The following SMAD9 variants were observed in gnomAD, a reference collection of about 807,000 sequenced individuals.
SMAD9 encodes MAD homolog 9.
A neutral mutation model predicts 46.1 loss-of-function variants in SMAD9; 36 were observed. The observed-to-expected ratio is 0.78, with a 90% CI of 0.60 to 1.03. The LOEUF (loss-of-function observed/expected upper bound fraction) is 1.03. Ranked by LOEUF, SMAD9 falls within the 50% of genes least tolerant of loss-of-function variation. The pLI is 0.00. For missense variants in SMAD9, 572 were observed against 599.8 expected (o/e 0.95, Z 0.48); for synonymous variants, 245 against 237.1 (o/e 1.03, Z -0.31).
intron 2 of SMAD9, among the ~76,000 whole-genome samples, chr13:36,876,206 A>T (rs1381008742): frequency 6.6e-6 from 1 of 152,170 alleles, no homozygotes; most frequent in African/African-American, 2.4e-5. Context: ...AAGGAGTTAC[A>T]GGGCACATGG....
intron 5 of SMAD9, among the ~76,000 whole-genome samples, chr13:36,862,604 C>G (rs938772972): frequency 6.6e-6 from 1 of 152,204 alleles, no homozygotes; most frequent in Admixed American, 6.5e-5. Flanking sequence ...AGCATATAAT[C>G]AAGAAATAAC....
chr13:36,893,351 A>C (rs1431972780), intron 1 of SMAD9, among the ~76,000 whole-genome samples: 1 of 150,620 alleles, frequency 6.6e-6, no homozygotes, highest in Non-Finnish European at 1.5e-5. Context: ...AGTTTTTTTA[A>C]AAAAATTGAA....
At chr13:36,865,064 A>G (rs2058218853) in intron 5 of SMAD9, among the ~76,000 whole-genome samples, 1 of 152,210 alleles carries the variant, frequency 6.6e-6, no homozygotes, top group Non-Finnish European at 1.5e-5. Flanking sequence ...GAGAGCCCCA[A>G]TCACATGCCA....
intron 5 of SMAD9, among the ~76,000 whole-genome samples, chr13:36,857,210 C>T (rs1230324243): frequency 2.5e-5 from 3 of 119,956 alleles, no homozygotes; most frequent in African/African-American, 1.0e-4. Flanking sequence ...AGACATCACA[C>T]CTGTTAGTTG....
Position 36,848,542 on chromosome 13 carries a change from A to T in SMAD9, c.*134T>A, listed in dbSNP as rs548831659. The T allele has an allele frequency of 1.2e-4, 110 of 883,926 alleles. No homozygotes were observed. In the South Asian group the frequency reaches 1.3e-3, roughly 10 times the overall value. 54.8% of individuals were successfully genotyped at this position (883,926 alleles called of 1,614,324 possible). The stretch of plus-strand genomic sequence containing the variant: ...AGAAAGCACAAAACAAACGGTGATT[A>T]AAAAAAATAAGAACAGTATACATTC... On this transcript the variant is annotated 3_prime_UTR_variant, in exon 7 of 7. Transcript: ENST00000379826.
intron 1 of SMAD9, among the ~76,000 whole-genome samples, chr13:36,884,585 T>G (rs757040743): frequency 3.3e-5 from 5 of 152,206 alleles, no homozygotes; most frequent in Admixed American, 6.5e-5. Flanking sequence ...GCATACACCA[T>G]GATTTAAGTG....
intron 5 of SMAD9, among the ~76,000 whole-genome samples, chr13:36,858,703 T>C (rs2058150206): frequency 6.6e-6 from 1 of 152,060 alleles, no homozygotes; most frequent in Non-Finnish European, 1.5e-5. Flanking sequence ...CTATAGAAAA[T>C]TTAGAAAATA....
chr13:36,876,691 A>G lies in SMAD9; in HGVS notation c.412+2587T>C, dbSNP rs149687144. Among the ~76,000 whole-genome samples, 926 of 152,346 alleles carry G rather than the reference A, an allele frequency of 6.1e-3. 6 individuals are homozygous for G. Among genetic ancestry groups the G allele is most frequent in the Non-Finnish European group, 1.0e-2 (679 of 68,034 alleles). On this transcript the variant is annotated intron_variant, in intron 2 of 6. Coordinates refer to ENST00000379826, the MANE Select transcript of SMAD9 (RefSeq NM_001127217.3). ...GGAAAGCACTGAAGTCAATTATTGA[A>G]GTGGATGTGTGAATGAAAAGAAAAT...
intron 1 of SMAD9, 129 bp from the exon 2 acceptor site, chr13:36,880,004 G>A (rs916358686): frequency 7.5e-6 from 3 of 401,636 alleles, no homozygotes; most frequent in Non-Finnish European, 9.3e-6. Context: ...CTCGAGCCCA[G>A]GAGGTCAAGG....
chr13:36,891,310 A>ATGCACTGG (rs2058487448), intron 1 of SMAD9, among the ~76,000 whole-genome samples: 1 of 152,178 alleles, frequency 6.6e-6, no homozygotes, highest in African/African-American at 2.4e-5. Context: ...AGACTCTATC[A>ATGCACTGG]TGCACTGGGT....
At position 36,853,638 on chromosome 13, in the gene SMAD9, G is replaced by A. The variant is rs748043792; in HGVS notation, c.1041C>T (p.Ala347=). The change falls in exon 6 of 7, where the codon GCC becomes GCT. Residue 347 remains alanine (A), a synonymous_variant. Coordinates refer to ENST00000379826, the MANE Select transcript of SMAD9 (RefSeq NM_001127217.3). The part of the protein sequence containing the change: ...HLYYVGGEVY[A]ECVSDSSIFV... ...AGATGCTGCTGTCACTCACGCACTC[G>A]GCATACACCTCTCCCCCGACGTAGT... is the stretch of plus-strand genomic sequence containing the variant. The A allele has an allele frequency of 2.9e-5, 47 of 1,613,858 alleles. No homozygotes were observed. Among genetic ancestry groups the A allele is most frequent in the Non-Finnish European group, 3.9e-5 (46 of 1,179,974 alleles).
At chr13:36,859,263 T>C (rs551679597) in intron 5 of SMAD9, among the ~76,000 whole-genome samples, 1 of 152,184 alleles carries the variant, frequency 6.6e-6, no homozygotes, top group African/African-American at 2.4e-5. Context: ...GGAAGTGAAA[T>C]CCATTGGGAA....
At chr13:36,905,858 T>C (rs535559626) in intron 1 of SMAD9, among the ~76,000 whole-genome samples, 3 of 151,292 alleles carry the variant, frequency 2.0e-5, no homozygotes, top group Admixed American at 6.6e-5. Context: ...TTGTTTATTG[T>C]TTTGAAAATA....
Position 36,845,694 on chromosome 13 carries a change from A to AAAT in SMAD9, c.*2979_*2981dup, listed in dbSNP as rs1340719752. On this transcript the variant is annotated 3_prime_UTR_variant, in exon 7 of 7. Coordinates refer to ENST00000379826, the MANE Select transcript of SMAD9 (RefSeq NM_001127217.3). The stretch of plus-strand genomic sequence containing the variant: ...TGAGCCCATTTAGCAGCCTGAAATC[A>AAAT]AATACTGCATTTATTTTTTGAAACT... 6.6e-6 allele frequency: 1 copy of AAAT among 152,200 alleles called. No homozygotes were observed. The highest frequency in any genetic ancestry group is 2.4e-5 in the African/African-American group (1 of 41,448). 9.4% of individuals were successfully genotyped at this position (152,200 alleles called of 1,614,324 possible).
rs2058372981 is a variant in SMAD9 at position 36,878,927 on chromosome 13, A to G, written c.412+351T>C. Among the ~76,000 whole-genome samples, 2 of 152,222 alleles carry G rather than the reference A, an allele frequency of 1.3e-5. 1 individual carries two copies. The highest frequency in any genetic ancestry group is 4.1e-4 in the South Asian group (2 of 4,832). On this transcript the variant is annotated intron_variant, in intron 2 of 6. Coordinates refer to ENST00000379826, the MANE Select transcript of SMAD9 (RefSeq NM_001127217.3). ...TCAAAATCACACAAAGCTTACCAGC[A>G]TAATGAAATCAAATGAAAATATCTT...
rs71198437 is a variant in SMAD9 at position 36,866,346 on chromosome 13, G to GAA, written c.782-590_782-589dup. 4.0e-3 allele frequency among the ~76,000 whole-genome samples: 574 copies of GAA among 143,752 alleles called. 1 individual carries two copies. The highest frequency in any genetic ancestry group is 0.013 in the East Asian group (66 of 4,994). The allele number at this position is 143,752 out of a possible 152,430, so 94.3% of individuals were successfully genotyped here. On this transcript the variant is annotated intron_variant, in intron 4 of 6. Coordinates refer to ENST00000379826, the MANE Select transcript of SMAD9 (RefSeq NM_001127217.3). Reference sequence around the variant, plus strand: ...CTTTGTGGATATCTAGTTATGCATGGAAAAAAAAAAACATTTAAAGAGAGC... The same window carrying GAA: ...CTTTGTGGATATCTAGTTATGCATGGAAAAAAAAAAAAACATTTAAAGAGAGC...
chr13:36,872,347 T>G (rs1446910021), intron 3 of SMAD9, among the ~76,000 whole-genome samples: 6 of 147,066 alleles, frequency 4.1e-5, no homozygotes, highest in African/African-American at 1.5e-4. Flanking sequence ...ATTACAGAAG[T>G]CTTTTCATCT....
At chr13:36,882,963 G>C (rs496490) in intron 1 of SMAD9, among the ~76,000 whole-genome samples, 5,872 of 152,108 alleles carry the variant, frequency 0.039, 387 homozygotes, top group African/African-American at 0.13. Flanking sequence ...CCATTTCCTT[G>C]TCTAGGTTGT....
chr13:36,890,270 T>C (rs941103636), intron 1 of SMAD9, among the ~76,000 whole-genome samples: 2 of 144,492 alleles, frequency 1.4e-5, no homozygotes, highest in African/African-American at 5.0e-5. Context: ...TTAAAATGCA[T>C]TGTGCTTATC....
Sources: gnomAD v4.1 joint callset for allele counts (sites outside exome capture counted in the v4.1 genomes callset) on GRCh38, gnomAD v4.1.1 for gene constraint, MANE v1.5 for transcripts, NCBI Gene and HGNC (gene_info 2026-07-23, HGNC 2026-07-21) for gene names.